Variants in STK39 observed in about 807,000 individuals in gnomAD.
STK39 encodes STE20/SPS1-related proline-alanine-rich protein kinase.
Under a neutral mutation model 77.8 loss-of-function variants are expected in STK39, and 20 were observed. The observed-to-expected ratio is 0.26, with a 90% CI of 0.18 to 0.37. STK39 has a LOEUF of 0.37. Ranked by LOEUF, STK39 falls within the 10% of genes least tolerant of loss-of-function variation. The pLI, the probability that STK39 is intolerant of heterozygous loss-of-function variation, is 1.00. For synonymous variants in STK39, 246 were observed against 234.1 expected, an observed-to-expected ratio of 1.05 and a Z score of -0.47; for missense variants, 479 against 656.5, an observed-to-expected ratio of 0.73 and a Z score of 2.95.
At chr2:168,126,206 A>G (rs1329056011) in intron 10 of STK39, among the ~76,000 whole-genome samples, 1 of 152,164 alleles carries the variant, frequency 6.6e-6, no homozygotes, top group African/African-American at 2.4e-5. Context: ...CGAACTGATA[A>G]GACAAAAATC....
chr2:167,963,443 T>TA (rs1692054532), intron 17 of STK39, among the ~76,000 whole-genome samples: 1 of 151,546 alleles, frequency 6.6e-6, no homozygotes, highest in South Asian at 2.1e-4. Flanking sequence ...GAGGTGGTAT[T>TA]AAAAAAATGA....
At chr2:168,127,275 C>T (rs912156575) in intron 10 of STK39, among the ~76,000 whole-genome samples, 1 of 152,090 alleles carries the variant, frequency 6.6e-6, no homozygotes, top group Admixed American at 6.6e-5. Flanking sequence ...CTCAGCCTCC[C>T]GAGTAGCTGG....
At chr2:168,246,569 G>A (rs1690909137) in intron 1 of STK39, among the ~76,000 whole-genome samples, 2 of 152,214 alleles carry the variant, frequency 1.3e-5, no homozygotes, top group Admixed American at 1.3e-4. Context: ...GGCGCACCCT[G>A]GCACGGAGGG....
At chr2:167,975,778 G>A (rs16854425) in intron 16 of STK39, among the ~76,000 whole-genome samples, 5,580 of 152,216 alleles carry the variant, frequency 0.037, 360 homozygotes, top group African/African-American at 0.13. Flanking sequence ...GGCATTATTG[G>A]TGGCTGGTAA....
Position 168,037,801 on chromosome 2 carries a change from G to A in STK39, c.1377-20706C>T, listed in dbSNP as rs114381144. The stretch of plus-strand genomic sequence containing the variant: ...TATGCTCATTCCTGAGTGATGGTCC[G>A]ATGGGTAATCATTTTCTTCTTTATA... On this transcript the variant is annotated intron_variant, in intron 14 of 17. Coordinates refer to ENST00000355999, the MANE Select transcript of STK39 (RefSeq NM_013233.3). 8.1e-3 allele frequency among the ~76,000 whole-genome samples: 1,228 copies of A among 152,194 alleles called. 16 individuals carry two copies. Among genetic ancestry groups the A allele is most frequent in the African/African-American group, 0.027 (1,124 of 41,532 alleles).
rs560066724 is a variant in STK39 at position 168,086,031 on chromosome 2, G to A, written c.1090-10800C>T. The stretch of plus-strand genomic sequence containing the variant: ...GTGGCATGACACTAGAAGCTGAACA[G>A]CCTGAATCCCTGACCCACAGAAACT... On this transcript the variant is annotated intron_variant, in intron 10 of 17. Coordinates refer to ENST00000355999, the MANE Select transcript of STK39 (RefSeq NM_013233.3). Among the ~76,000 whole-genome samples the A allele has an allele frequency of 5.9e-5, 9 of 152,280 alleles. No individual in the cohort carries two copies. The South Asian group carries it at 1.7e-3, about 28-fold the overall frequency.
chr2:168,019,406 T>C (rs1188997175), intron 14 of STK39, among the ~76,000 whole-genome samples: 5 of 152,238 alleles, frequency 3.3e-5, no homozygotes, highest in African/African-American at 1.2e-4. Flanking sequence ...TTAAGCTTTA[T>C]CATAAGTACG....
intron 16 of STK39, among the ~76,000 whole-genome samples, chr2:168,004,304 T>C (rs1684069082): frequency 6.6e-6 from 1 of 152,088 alleles, no homozygotes; most frequent in Admixed American, 6.5e-5. Context: ...ACTGGCACAG[T>C]TTTAAAACAG....
At chr2:168,094,955 T>C (rs959925631) in intron 10 of STK39, among the ~76,000 whole-genome samples, 7 of 152,180 alleles carry the variant, frequency 4.6e-5, no homozygotes, top group Non-Finnish European at 8.8e-5. Context: ...TCCAGTTGTC[T>C]TCCCCCTTCT....
chr2:168,053,440 T>C (rs1239722422), intron 14 of STK39, among the ~76,000 whole-genome samples: 1 of 152,196 alleles, frequency 6.6e-6, no homozygotes, highest in Admixed American at 6.5e-5. Context: ...GAAAAATATT[T>C]ACCAAGAGGC....
chr2:168,046,288 C>T (rs969966544), intron 14 of STK39, among the ~76,000 whole-genome samples: 2 of 152,196 alleles, frequency 1.3e-5, no homozygotes, highest in Admixed American at 1.3e-4. Context: ...ATTGCTTGAA[C>T]CTGAGAGGTG....
At chr2:168,120,923 C>A (rs1330814275) in intron 10 of STK39, among the ~76,000 whole-genome samples, 1 of 152,194 alleles carries the variant, frequency 6.6e-6, no homozygotes, top group African/African-American at 2.4e-5. Flanking sequence ...AGAACCCTGG[C>A]AAACTTCCCA....
intron 1 of STK39, among the ~76,000 whole-genome samples, chr2:168,187,591 A>G (rs1352206898): frequency 6.6e-6 from 1 of 152,232 alleles, no homozygotes; most frequent in East Asian, 1.9e-4. Context: ...GTAAGCACTA[A>G]TTAAATCTTA....
chr2:167,970,210 A>G (rs1692292877), intron 16 of STK39, among the ~76,000 whole-genome samples: 1 of 151,956 alleles, frequency 6.6e-6, no homozygotes, highest in Non-Finnish European at 1.5e-5. Context: ...ACTTATCACC[A>G]CCTGATATGC....
intron 10 of STK39, chr2:168,113,253 A>C (rs1687167809): frequency 6.6e-6 from 1 of 152,218 alleles, no homozygotes; most frequent in African/African-American, 2.4e-5. Flanking sequence ...ATGGTAAATG[A>C]GTGCCACATT....
At chr2:168,166,736 G>A (rs1418775054) in intron 3 of STK39, among the ~76,000 whole-genome samples, 1 of 152,194 alleles carries the variant, frequency 6.6e-6, no homozygotes, top group African/African-American at 2.4e-5. Context: ...AAGTGCTTAA[G>A]AGTCACATGG....
At chr2:168,199,074 C>T (rs1045118332) in intron 1 of STK39, among the ~76,000 whole-genome samples, 9 of 152,028 alleles carry the variant, frequency 5.9e-5, no homozygotes, top group South Asian at 2.1e-4. Flanking sequence ...TAGCAGGGGG[C>T]GGGGGAAACT....
At chr2:168,063,330 A>T (rs1685709741) in intron 14 of STK39, among the ~76,000 whole-genome samples, 170 bp downstream of exon 14, 1 of 152,204 alleles carries the variant, frequency 6.6e-6, no homozygotes, top group South Asian at 2.1e-4. Flanking sequence ...TTTAGCAAGC[A>T]ATTAGAAGAG....
intron 1 of STK39, among the ~76,000 whole-genome samples, chr2:168,245,167 T>C (rs1195541928): frequency 1.3e-5 from 2 of 152,214 alleles, no homozygotes; most frequent in Non-Finnish European, 2.9e-5. Flanking sequence ...AGCTGGTTAG[T>C]GAAGGCAACA....
Sources: gnomAD v4.1 joint callset for allele counts (sites outside exome capture counted in the v4.1 genomes callset) on GRCh38, gnomAD v4.1.1 for gene constraint, MANE v1.5 for transcripts, NCBI Gene and HGNC (gene_info 2026-07-23, HGNC 2026-07-21) for gene names.